STK32B: variants seen among roughly 807,000 people sequenced by gnomAD.
STK32B encodes the protein serine/threonine kinase 32B.
A neutral mutation model predicts 52.6 loss-of-function variants in STK32B; 43 were observed. That is an observed-to-expected ratio of 0.82 (90% CI 0.64 to 1.05). The LOEUF is 1.05. Among genes scored for constraint, STK32B ranks in the 50% least tolerant of loss-of-function variants. The pLI is 0.00. For synonymous variants in STK32B, 238 were observed against 204.3 expected, an observed-to-expected ratio of 1.17 and a Z score of -1.41; for missense variants, 621 against 534.6, an observed-to-expected ratio of 1.16 and a Z score of -1.59.
At chr4:5,314,630 A>T (rs1482153523) in intron 3 of STK32B, among the ~76,000 whole-genome samples, 1 of 152,174 alleles carries the variant, frequency 6.6e-6, no homozygotes, top group African/African-American at 2.4e-5. Flanking sequence ...AAATCACGCC[A>T]TTGCACTCCA....
At chr4:5,173,774 T>C (rs1719589817) in intron 3 of STK32B, among the ~76,000 whole-genome samples, 1 of 152,222 alleles carries the variant, frequency 6.6e-6, no homozygotes, top group Non-Finnish European at 1.5e-5. Flanking sequence ...AAAGAATGTA[T>C]ATTCTGTTGA....
chr4:5,053,808 G>A (rs570814077), intron 1 of STK32B, among the ~76,000 whole-genome samples: 2 of 121,390 alleles, frequency 1.6e-5, no homozygotes, highest in Admixed American at 8.3e-5. Flanking sequence ...ATGAAACCCC[G>A]ACTCTACTAA....
chr4:5,312,570 A>T (rs945617121), intron 3 of STK32B, among the ~76,000 whole-genome samples: 2 of 152,034 alleles, frequency 1.3e-5, no homozygotes, highest in Non-Finnish European at 2.9e-5. Context: ...GTTTACTGAG[A>T]GTGATGATTT....
chr4:5,189,779 G>A (rs1721035950), intron 3 of STK32B, among the ~76,000 whole-genome samples: 1 of 152,168 alleles, frequency 6.6e-6, no homozygotes, highest in Non-Finnish European at 1.5e-5. Context: ...CACCAGGGAG[G>A]AATGAGAGTT....
At chr4:5,156,124 A>G (rs1013956727) in intron 2 of STK32B, among the ~76,000 whole-genome samples, 8 of 151,780 alleles carry the variant, frequency 5.3e-5, no homozygotes, top group African/African-American at 1.9e-4. Context: ...GTATATGTAT[A>G]CACATATACA....
At chr4:5,438,095 C>A (rs1348566372) in intron 6 of STK32B, 46 of 985,436 alleles carry the variant, frequency 4.7e-5, no homozygotes, top group Non-Finnish European at 5.4e-5. Context: ...ATGGGGAACA[C>A]CTCGGCACAC....
intron 3 of STK32B, among the ~76,000 whole-genome samples, chr4:5,303,276 TGTA>T (rs1366542820): frequency 3.3e-5 from 5 of 152,138 alleles, no homozygotes; most frequent in Admixed American, 6.6e-5. Context: ...CCATACTGGT[TGTA>T]GTAGTTTTCA....
At chr4:5,218,677 G>A (rs1169427795) in intron 3 of STK32B, among the ~76,000 whole-genome samples, 2 of 152,244 alleles carry the variant, frequency 1.3e-5, no homozygotes, top group Admixed American at 1.3e-4. Context: ...TTTAGCACCC[G>A]TTCTTGCTAG....
At chr4:5,071,171 G>A (rs1169737114) in intron 1 of STK32B, among the ~76,000 whole-genome samples, 2 of 152,160 alleles carry the variant, frequency 1.3e-5, no homozygotes, top group Non-Finnish European at 2.9e-5. Flanking sequence ...CAGGTTTTCA[G>A]TTTGCAGTGA....
chr4:5,203,019 T>C (rs1435760090), intron 3 of STK32B, among the ~76,000 whole-genome samples: 1 of 152,212 alleles, frequency 6.6e-6, no homozygotes, highest in African/African-American at 2.4e-5. Flanking sequence ...TGTTGCCAGA[T>C]GGGAAACCTG....
intron 4 of STK32B, among the ~76,000 whole-genome samples, chr4:5,369,868 T>C: frequency 6.6e-6 from 1 of 151,536 alleles, no homozygotes; most frequent in Middle Eastern, 3.4e-3. Context: ...AGTATATTTT[T>C]TTTGTTTGTT....
chr4:5,070,296 A>G (rs1711679698), intron 1 of STK32B, among the ~76,000 whole-genome samples: 1 of 152,046 alleles, frequency 6.6e-6, no homozygotes, highest in Non-Finnish European at 1.5e-5. Context: ...TCCTCTTGTC[A>G]TGTTGTTGCT....
chr4:5,096,738 A>G (rs1342603293), intron 1 of STK32B, among the ~76,000 whole-genome samples: 1 of 152,168 alleles, frequency 6.6e-6, no homozygotes, highest in Non-Finnish European at 1.5e-5. Context: ...CGGCGTTTAC[A>G]TTTGTCAGCC....
At chr4:5,072,646 TAAC>T (rs1333891459) in intron 1 of STK32B, among the ~76,000 whole-genome samples, 1 of 152,196 alleles carries the variant, frequency 6.6e-6, no homozygotes, top group Non-Finnish European at 1.5e-5. Flanking sequence ...TTCAGACTTA[TAAC>T]TCAGCATTTG....
rs189327649 is a variant in STK32B at position 5,281,334 on chromosome 4, C to T, written c.261-49886C>T. Among the ~76,000 whole-genome samples the T allele has an allele frequency of 2.6e-5, 4 of 152,214 alleles. No individual in the cohort carries two copies. The East Asian group carries it at 7.7e-4, about 29-fold the overall frequency. On this transcript the variant is annotated intron_variant, in intron 3 of 11. Coordinates refer to ENST00000282908, the MANE Select transcript of STK32B (RefSeq NM_018401.3). ...ATGATGTCCATTCTCAGCAAACTAA[C>T]ACAGGAGCAGAAAACTGAACACTGC...
At chr4:5,326,327 G>C (rs962764714) in intron 3 of STK32B, among the ~76,000 whole-genome samples, 19 of 152,132 alleles carry the variant, frequency 1.2e-4, no homozygotes, top group African/African-American at 4.6e-4. Context: ...GCAAATACAT[G>C]AAAAGTTGTA....
intron 3 of STK32B, among the ~76,000 whole-genome samples, chr4:5,300,402 A>T (rs1231492902): frequency 6.6e-6 from 1 of 152,170 alleles, no homozygotes; most frequent in African/African-American, 2.4e-5. Context: ...CACCACTACT[A>T]TTCCACATAG....
chr4:5,120,111 A>G (rs1020183751), intron 1 of STK32B, among the ~76,000 whole-genome samples: 25 of 152,334 alleles, frequency 1.6e-4, no homozygotes, highest in Middle Eastern at 3.4e-3. Flanking sequence ...AGTTCCACCC[A>G]GGACATGAAT....
At chr4:5,363,601 A>G (rs986096132) in intron 4 of STK32B, among the ~76,000 whole-genome samples, 5 of 152,264 alleles carry the variant, frequency 3.3e-5, no homozygotes, top group South Asian at 2.1e-4. Context: ...CTTTTAGGCC[A>G]CAATAGAATG....
Sources: allele counts gnomAD v4.1 joint callset (sites outside exome capture counted in the v4.1 genomes callset), GRCh38; gene constraint gnomAD v4.1.1; transcripts MANE v1.5; gene names NCBI Gene and HGNC (gene_info 2026-07-23, HGNC 2026-07-21).